The following ATL1 variants were observed in gnomAD, a reference collection of about 807,000 sequenced individuals.
ATL1 encodes the protein atlastin GTPase 1.
A neutral mutation model predicts 75.5 loss-of-function variants in ATL1; 31 were observed. The ratio of observed to expected loss-of-function variants is 0.41; its 90% CI spans 0.31 to 0.55. ATL1 has a LOEUF of 0.55. Ranked by LOEUF, ATL1 falls within the 20% of genes least tolerant of loss-of-function variation. ATL1 has a pLI of 0.27. For synonymous variants in ATL1, 226 were observed against 233.3 expected (o/e 0.97, Z 0.28); for missense variants, 405 against 662.6 (o/e 0.61, Z 4.27).
In ATL1 at chr14:50,590,938, T is replaced by C; in HGVS notation, c.283-3T>C. 1.2e-6 allele frequency: 2 copies of C among 1,613,638 alleles called. No homozygotes were observed. Among genetic ancestry groups the C allele is most frequent in the South Asian group, 1.1e-5 (1 of 91,072 alleles). ...CCATATCATAGACTTTATCATTTTA[T>C]AGGAATCAGTTGATTGGGTTGGAGA... On this transcript the variant is annotated splice_polypyrimidine_tract_variant and splice_region_variant and intron_variant, in intron 2 of 13. Transcript: ENST00000358385.
rs551861117 is a variant in ATL1, at chr14:50,550,843, T to C, written c.-139-9284T>C. Among the ~76,000 whole-genome samples the C allele has an allele frequency of 2.6e-5, 4 of 152,296 alleles. No homozygotes were observed. In the East Asian group the frequency reaches 5.8e-4, roughly 22 times the overall value. On this transcript the variant is annotated intron_variant, in intron 1 of 13. Coordinates refer to the ATL1 transcript ENST00000441560. ...TCAAGATGGAAATTTAAAAATTCTT[T>C]GAACTGAATGATAGTGACACAACTT... is the stretch of plus-strand genomic sequence containing the variant.
At position 50,613,368 on chromosome 14, in the gene ATL1, G is replaced by A. The variant is rs201235423; in HGVS notation, c.723+17G>A. The stretch of plus-strand genomic sequence containing the variant: ...CGCCTCAAGGTTTGTTAGATATTTA[G>A]GTGCATGAAATTTCACTAATAATCT... On this transcript the variant is annotated intron_variant, in intron 7 of 13. Coordinates refer to ENST00000358385, the MANE Select transcript of ATL1 (RefSeq NM_015915.5). 2.5e-6 allele frequency: 4 copies of A among 1,585,158 alleles called. No individual in the cohort carries two copies. In the East Asian group the frequency reaches 8.9e-5, roughly 35 times the overall value.
Position 50,560,252 on chromosome 14 carries a change from G to C in ATL1, c.-14G>C, listed in dbSNP as rs769399436. ...CAGTGACAGCGCCTCACCGCCACCAGCTCCTGGACCACCATGGCCAAGAAC... is the reference window on the plus strand; with the variant it reads ...CAGTGACAGCGCCTCACCGCCACCACCTCCTGGACCACCATGGCCAAGAAC... On this transcript the variant is annotated 5_prime_UTR_variant, in exon 1 of 14. Coordinates refer to ENST00000358385, the MANE Select transcript of ATL1 (RefSeq NM_015915.5). 8.1e-6 allele frequency: 13 copies of C among 1,613,862 alleles called. No individual in the cohort carries two copies. In the South Asian group the frequency reaches 1.3e-4, roughly 16 times the overall value.
chr14:50,567,651 G>A (rs895581817), intron 1 of ATL1, among the ~76,000 whole-genome samples: 1 of 152,136 alleles, frequency 6.6e-6, no homozygotes, highest in African/African-American at 2.4e-5. Context: ...TTAAAAAATA[G>A]TTGTCATTCT....
At position 50,560,245 on chromosome 14, in the gene ATL1, G is replaced by A. The variant is rs781469806; in HGVS notation, c.-21G>A. On this transcript the variant is annotated 5_prime_UTR_variant, in exon 1 of 14. Coordinates refer to ENST00000358385, the MANE Select transcript of ATL1 (RefSeq NM_015915.5). Reference sequence around the variant, plus strand: ...GCGAGCGCAGTGACAGCGCCTCACCGCCACCAGCTCCTGGACCACCATGGC... The same window carrying A: ...GCGAGCGCAGTGACAGCGCCTCACCACCACCAGCTCCTGGACCACCATGGC... 2 of 1,613,488 alleles carry A rather than the reference G, an allele frequency of 1.2e-6. No individual in the cohort carries two copies. Among genetic ancestry groups the A allele is most frequent in the African/African-American group, 2.7e-5 (2 of 74,930 alleles).
Position 50,623,255 on chromosome 14 carries a change from G to A in ATL1, c.1119+7G>A, listed in dbSNP as rs1487034076. 2.5e-6 allele frequency: 4 copies of A among 1,610,214 alleles called. No homozygotes were observed. Among genetic ancestry groups the A allele is most frequent in the East Asian group, 2.2e-5 (1 of 44,828 alleles). ...CAACAAAAAAATGGAAGAGGTAAGAGTTAAATATTTTAAATTCTGTCTTAA... is the reference window on the plus strand; with the variant it reads ...CAACAAAAAAATGGAAGAGGTAAGAATTAAATATTTTAAATTCTGTCTTAA... On this transcript the variant is annotated splice_region_variant and intron_variant, in intron 11 of 13. Coordinates refer to ENST00000358385, the MANE Select transcript of ATL1 (RefSeq NM_015915.5).
chr14:50,622,879 T>C (rs898842415), intron 10 of ATL1, among the ~76,000 whole-genome samples: 1 of 152,196 alleles, frequency 6.6e-6, no homozygotes, highest in Admixed American at 6.5e-5. Flanking sequence ...GGGTTTATGA[T>C]TTTTTTCTTC....
intron 6 of ATL1, among the ~76,000 whole-genome samples, chr14:50,604,396 G>T (rs1338989669): frequency 1.3e-5 from 2 of 151,966 alleles, no homozygotes; most frequent in Non-Finnish European, 2.9e-5. Context: ...CAAGAACTTT[G>T]TCATTTACTT....
chr14:50,622,959 G>C (rs1026225721), intron 10 of ATL1, among the ~76,000 whole-genome samples: 1 of 152,152 alleles, frequency 6.6e-6, no homozygotes, highest in East Asian at 1.9e-4. Flanking sequence ...ATTCATTTTA[G>C]AAGTATTGTG....
intron 1 of ATL1, among the ~76,000 whole-genome samples, chr14:50,550,023 T>C (rs1409040998): frequency 6.6e-6 from 1 of 152,226 alleles, no homozygotes; most frequent in Non-Finnish European, 1.5e-5. Context: ...CAAGTGGCGA[T>C]GGCTACATGG....
At chr14:50,576,162 G>T (rs1396218849) in intron 1 of ATL1, among the ~76,000 whole-genome samples, 1 of 152,144 alleles carries the variant, frequency 6.6e-6, no homozygotes, top group South Asian at 2.1e-4. Context: ...TCAACACTTT[G>T]TTATAAAATA....
intron 6 of ATL1, among the ~76,000 whole-genome samples, chr14:50,602,194 C>T (rs991103986): frequency 2.6e-5 from 4 of 152,152 alleles, no homozygotes; most frequent in East Asian, 1.9e-4. Flanking sequence ...AATGACCAGC[C>T]GCCAGTTACT....
intron 1 of ATL1, among the ~76,000 whole-genome samples, chr14:50,565,785 A>C (rs1156547296): frequency 6.6e-6 from 1 of 152,208 alleles, no homozygotes; most frequent in Non-Finnish European, 1.5e-5. Flanking sequence ...TAGTACTTCC[A>C]GTAATAAAAA....
At chr14:50,601,828 A>C (rs766247952) in intron 6 of ATL1, among the ~76,000 whole-genome samples, 33 of 152,200 alleles carry the variant, frequency 2.2e-4, no homozygotes, top group Admixed American at 5.2e-4. Context: ...GTTTTTGTTG[A>C]GAATGACAAT....
upstream of ATL1, among the ~76,000 whole-genome samples, chr14:50,558,518 G>A (rs1452230583): frequency 6.6e-6 from 1 of 152,146 alleles, no homozygotes; most frequent in Non-Finnish European, 1.5e-5. Context: ...ATTTATTTAA[G>A]CATTTTTTTG....
rs534491102 is a variant in ATL1 at position 50,591,147 on chromosome 14, GT to G, written c.417+74del. On this transcript the variant is annotated intron_variant, in intron 3 of 13. Transcript: ENST00000358385. ...GTTACTACTTTTTAGGATCCTTGAA[GT>G]TGCACTTTTGAAAATTAATTTTGAC... 462 of 1,484,500 alleles carry G rather than the reference GT, an allele frequency of 3.1e-4. 4 individuals are homozygous for G. The East Asian group carries it at 0.01, about 33-fold the overall frequency. 92.0% of individuals were successfully genotyped at this position (1,484,500 alleles called of 1,614,324 possible).
intron 1 of ATL1, among the ~76,000 whole-genome samples, chr14:50,563,412 C>T (rs1207279250): frequency 6.6e-6 from 1 of 152,076 alleles, no homozygotes; most frequent in Admixed American, 6.6e-5. Context: ...AGAGGTCTCT[C>T]ATGAGAAAAA....
chr14:50,571,972 T>A, intron 1 of ATL1: 1 of 449,948 alleles, frequency 2.2e-6, no homozygotes. Context: ...ACCATTCCAA[T>A]ATTGTTTTGT....
intron 1 of ATL1, among the ~76,000 whole-genome samples, chr14:50,549,891 C>T (rs2038680252): frequency 6.6e-6 from 1 of 152,214 alleles, no homozygotes; most frequent in Admixed American, 6.5e-5. Flanking sequence ...CACTTGGCAT[C>T]ATTCCGTATG....
Sources: gnomAD v4.1 joint callset for allele counts (sites outside exome capture counted in the v4.1 genomes callset) on GRCh38, gnomAD v4.1.1 for gene constraint, MANE v1.5 for transcripts, NCBI Gene and HGNC (gene_info 2026-07-23, HGNC 2026-07-21) for gene names.